RPH3A: variants seen among roughly 807,000 people sequenced by gnomAD.
The protein encoded by RPH3A is rabphilin 3A.
RPH3A carries 48 observed loss-of-function variants against 102.2 expected under a neutral mutation model. That is an observed-to-expected ratio of 0.47 (90% CI 0.37 to 0.60). The LOEUF is 0.60. Ranked by LOEUF, RPH3A falls within the 20% of genes least tolerant of loss-of-function variation. RPH3A has a pLI of 0.00. For missense variants in RPH3A, 781 were observed against 910.1 expected (o/e 0.86, Z 1.83); for synonymous variants, 310 against 324.3 (o/e 0.96, Z 0.47).
chr12:112,884,006 C>CAT (rs34627189), intron 16 of RPH3A, among the ~76,000 whole-genome samples: 3,703 of 150,794 alleles, frequency 0.025, 94 homozygotes, highest in East Asian at 0.064. Context: ...CACTTATTTC[C>CAT]ATATATATAT....
At chr12:112,610,926 G>A (rs1053474855) in intron 1 of RPH3A, among the ~76,000 whole-genome samples, 13 of 152,090 alleles carry the variant, frequency 8.5e-5, no homozygotes, top group South Asian at 2.1e-4. Context: ...GTGAGCCCCC[G>A]CACCCACCTG....
In RPH3A at chr12:112,841,713, T is replaced by TG. The variant is rs3837521; in HGVS notation, c.83+5211_83+5212insG. ...AGTTTTTTTTGTTTTTTTGGTTTTT[T>TG]TTTTTTTTCCATTGCATCCTAATAT... On this transcript the variant is annotated intron_variant, in intron 4 of 21. Coordinates refer to ENST00000389385, the MANE Select transcript of RPH3A (RefSeq NM_001143854.2). 1.8e-3 allele frequency among the ~76,000 whole-genome samples: 274 copies of TG among 150,800 alleles called. 1 individual carries two copies. Among genetic ancestry groups the TG allele is most frequent in the East Asian group, 7.8e-3 (40 of 5,148 alleles).
intron 2 of RPH3A, among the ~76,000 whole-genome samples, chr12:112,820,519 A>C (rs1374766843): frequency 6.6e-6 from 1 of 152,196 alleles, no homozygotes; most frequent in South Asian, 2.1e-4. Context: ...TCCATCTGCA[A>C]AATGGAGATA....
chr12:112,709,575 G>A (rs1251865320), intron 1 of RPH3A, among the ~76,000 whole-genome samples: 3 of 151,270 alleles, frequency 2.0e-5, no homozygotes, highest in Non-Finnish European at 2.9e-5. Flanking sequence ...AATTACTCTC[G>A]TGTCAGGTGC....
At chr12:112,612,163 AT>A (rs1555278099) in intron 1 of RPH3A, among the ~76,000 whole-genome samples, 1 of 152,068 alleles carries the variant, frequency 6.6e-6, no homozygotes, top group African/African-American at 2.4e-5. Context: ...CTGTCAAAAT[AT>A]TTTTTGGGGG....
At chr12:112,581,859 A>C (rs2135958703) in intron 1 of RPH3A, among the ~76,000 whole-genome samples, 1 of 148,238 alleles carries the variant, frequency 6.7e-6, no homozygotes, top group East Asian at 2.0e-4. Context: ...ACCTTGTGAA[A>C]GTTATTCAGC....
chr12:112,780,021 C>T (rs572406960), intron 1 of RPH3A, among the ~76,000 whole-genome samples: 1 of 152,182 alleles, frequency 6.6e-6, no homozygotes, highest in African/African-American at 2.4e-5. Context: ...TGGCCTGGAA[C>T]AGATTCGTCC....
chr12:112,663,149 A>G (rs2040061448), intron 1 of RPH3A, among the ~76,000 whole-genome samples: 1 of 151,752 alleles, frequency 6.6e-6, no homozygotes, highest in African/African-American at 2.4e-5. Flanking sequence ...TCTGGATTAA[A>G]CCAAGCCTGA....
intron 1 of RPH3A, among the ~76,000 whole-genome samples, chr12:112,692,732 C>T (rs2040316118): frequency 6.6e-6 from 1 of 152,170 alleles, no homozygotes. Flanking sequence ...CCCAGGTTAC[C>T]CTTGAATTTG....
chr12:112,894,097 TAATC>T, intron 19 of RPH3A: 27 of 167,728 alleles, frequency 1.6e-4, no homozygotes, highest in Non-Finnish European at 2.9e-4. Context: ...GGAGTGACAA[TAATC>T]AGATTTGCAT....
At chr12:112,689,512 A>C (rs1363718121) in intron 1 of RPH3A, among the ~76,000 whole-genome samples, 1 of 152,228 alleles carries the variant, frequency 6.6e-6, no homozygotes, top group African/African-American at 2.4e-5. Flanking sequence ...GCTGATTTGT[A>C]ACCTCTGATT....
upstream of RPH3A, among the ~76,000 whole-genome samples, chr12:112,789,160 A>G (rs1423043885): frequency 1.3e-5 from 2 of 152,192 alleles, no homozygotes; most frequent in African/African-American, 2.4e-5. Context: ...TCTGTCTCAA[A>G]TAAAACAAAC....
At position 112,876,856 on chromosome 12, in the gene RPH3A, G is replaced by T; in HGVS notation, c.1161G>T (p.Ser387=). 1 of 1,598,584 alleles carries T rather than the reference G, an allele frequency of 6.3e-7. No homozygotes were observed. The highest frequency in any genetic ancestry group is 8.5e-7 in the Non-Finnish European group (1 of 1,171,208). The part of the protein sequence containing the change: ...EEEEEANSYD[S]DEATTLGALE... ...AAGAGGAAGCCAACAGCTACGATTC[G>T]GATGAAGCAAGTAGGTGGTGCCTAA... Residue 387 remains serine (S), a synonymous_variant, in exon 13 of 22, where the codon TCG becomes TCT. Transcript: ENST00000389385.
intron 4 of RPH3A, among the ~76,000 whole-genome samples, chr12:112,846,114 G>T (rs2042225229): frequency 6.6e-6 from 1 of 152,226 alleles, no homozygotes; most frequent in African/African-American, 2.4e-5. Flanking sequence ...GTAAGACTTT[G>T]CAGAATAAGC....
chr12:112,724,142 A>G (rs2040570816), intron 1 of RPH3A, among the ~76,000 whole-genome samples: 1 of 145,084 alleles, frequency 6.9e-6, no homozygotes, highest in Non-Finnish European at 1.5e-5. Context: ...CTGAAGCCTC[A>G]TCCTCGCCGG....
At chr12:112,600,427 T>C (rs1030109274) in intron 1 of RPH3A, among the ~76,000 whole-genome samples, 2 of 152,158 alleles carry the variant, frequency 1.3e-5, no homozygotes, top group Non-Finnish European at 2.9e-5. Context: ...GGTTAAGCAG[T>C]TGGGATTGTG....
In RPH3A at chr12:112,791,903, A is replaced by AGAGAGAGAGAGAGAGAGAGAGAGAG. The variant is rs1565882498; in HGVS notation, c.-247_-246insGAGAGAGAGAGAGAGAGAGAGAGGA. 1 of 150,206 alleles carries AGAGAGAGAGAGAGAGAGAGAGAGAG rather than the reference A, an allele frequency of 6.7e-6. No individual in the cohort carries two copies. Among genetic ancestry groups the AGAGAGAGAGAGAGAGAGAGAGAGAG allele is most frequent in the Non-Finnish European group, 1.5e-5 (1 of 67,194 alleles). 9.3% of individuals were successfully genotyped at this position (150,206 alleles called of 1,614,324 possible). ...GAGAGAGAGAGAGAGAGAGAGAGAG[A>AGAGAGAGAGAGAGAGAGAGAGAGAG]GACTCACAGAGCTAAAACCTTCATC... On this transcript the variant is annotated 5_prime_UTR_variant, in exon 1 of 22. Coordinates refer to ENST00000389385, the MANE Select transcript of RPH3A (RefSeq NM_001143854.2).
intron 1 of RPH3A, among the ~76,000 whole-genome samples, chr12:112,722,950 C>A (rs2040561009): frequency 6.6e-6 from 1 of 152,160 alleles, no homozygotes; most frequent in South Asian, 2.1e-4. Flanking sequence ...CTAAATTGAA[C>A]CTTAACTGAT....
intron 2 of RPH3A, among the ~76,000 whole-genome samples, chr12:112,804,540 T>A (rs1485780098): frequency 6.6e-6 from 1 of 152,244 alleles, no homozygotes; most frequent in Non-Finnish European, 1.5e-5. Flanking sequence ...GGGATGTATG[T>A]GTGCACCAGG....
Sources: allele counts gnomAD v4.1 joint callset (sites outside exome capture counted in the v4.1 genomes callset), GRCh38; gene constraint gnomAD v4.1.1; transcripts MANE v1.5; gene names NCBI Gene and HGNC (gene_info 2026-07-23, HGNC 2026-07-21).